TENM2: variants seen among roughly 807,000 people sequenced by gnomAD.
TENM2 encodes the protein teneurin transmembrane protein 2, also known as teneurin-2.
A neutral mutation model predicts 245.2 loss-of-function variants in TENM2; 52 were observed. That is an observed-to-expected ratio of 0.21 (90% CI 0.17 to 0.27). The LOEUF is 0.27. Ranked by LOEUF, TENM2 falls within the 10% of genes least tolerant of loss-of-function variation. The probability of loss-of-function intolerance (pLI) is 1.00; values close to 1 mark genes in which losing one functional copy is unlikely to be tolerated. For missense variants in TENM2, 3,046 were observed against 3,666.8 expected, an observed-to-expected ratio of 0.83 and a Z score of 4.37; for synonymous variants, 1,363 against 1,438.9, an observed-to-expected ratio of 0.95 and a Z score of 1.19.
rs1341482970 is a variant in TENM2, at chr5:168,253,423, TA to T, written c.7432+5053del. Among the ~76,000 whole-genome samples the T allele has an allele frequency of 5.2e-4, 56 of 107,988 alleles. 2 individuals carry two copies. In the South Asian group the frequency reaches 0.013, roughly 26 times the overall value. The allele number at this position is 107,988 out of a possible 152,430, so 70.8% of individuals were successfully genotyped here. On this transcript the variant is annotated intron_variant, in intron 27 of 28. Coordinates refer to ENST00000518659, the Ensembl canonical transcript of TENM2. ...AAAAAAAGCTAATAAATGCATTCAT[TA>T]TTTTATTTTTTTTTTTTTTGAGACA...
chr5:167,463,039 T>A (rs1017557526), intron 2 of TENM2, among the ~76,000 whole-genome samples: 3 of 152,156 alleles, frequency 2.0e-5, no homozygotes, highest in African/African-American at 7.2e-5. Flanking sequence ...CTTTTTCTCC[T>A]TTTTCTATAC....
At chr5:167,556,867 C>T (rs1419834985) in intron 2 of TENM2, among the ~76,000 whole-genome samples, 1 of 152,182 alleles carries the variant, frequency 6.6e-6, no homozygotes, top group African/African-American at 2.4e-5. Flanking sequence ...GTGTTGATCA[C>T]AGCATCTCAT....
In TENM2 at chr5:168,200,001, C is replaced by T. The variant is rs765276372; in HGVS notation, c.3300C>T (p.His1100=). The change falls in exon 17 of 29, where the codon CAC becomes CAT. Residue 1100 remains histidine (H), a synonymous_variant. Transcript: ENST00000518659. ...TGCCCCTGAACCTCATTAGGGTTCA[C>T]CTGATGGTGGCTGTCGAGGGGCATC... 11 of 1,613,896 alleles carry T rather than the reference C, an allele frequency of 6.8e-6. No individual in the cohort carries two copies. In the Admixed American group the frequency reaches 8.3e-5, roughly 12 times the overall value.
At chr5:167,844,862 A>AAG (rs397773666) in intron 2 of TENM2, among the ~76,000 whole-genome samples, 3,020 of 150,914 alleles carry the variant, frequency 0.02, 36 homozygotes, top group Middle Eastern at 0.041. Flanking sequence ...AAAAAAAAAA[A>AAG]TCCTTCGTAG....
intron 12 of TENM2, among the ~76,000 whole-genome samples, chr5:168,159,378 A>G (rs1024458304): frequency 3.9e-5 from 6 of 152,156 alleles, no homozygotes; most frequent in African/African-American, 1.4e-4. Context: ...CCTGAAATCC[A>G]GAAGACTTCC....
chr5:167,633,344 T>C (rs1778992906), intron 2 of TENM2, among the ~76,000 whole-genome samples: 1 of 152,062 alleles, frequency 6.6e-6, no homozygotes, highest in African/African-American at 2.4e-5. Flanking sequence ...TTCAAAGTTT[T>C]GAGAAGAATA....
At chr5:167,382,755 A>C (rs569357994) in intron 2 of TENM2, among the ~76,000 whole-genome samples, 4 of 152,292 alleles carry the variant, frequency 2.6e-5, no homozygotes, top group South Asian at 2.1e-4. Context: ...ACTTACAGTG[A>C]GAAAGTTAGG....
intron 2 of TENM2, among the ~76,000 whole-genome samples, chr5:167,456,869 C>T (rs1765957302): frequency 6.6e-6 from 1 of 152,140 alleles, no homozygotes; most frequent in Non-Finnish European, 1.5e-5. Context: ...ATGTGAATAT[C>T]CACATTCATA....
intron 2 of TENM2, among the ~76,000 whole-genome samples, chr5:167,623,454 T>C (rs1430034598): frequency 5.3e-5 from 8 of 152,194 alleles, no homozygotes; most frequent in African/African-American, 1.7e-4. Context: ...CTTTCTTTTT[T>C]AAGCTTACCA....
the TENM2 span, among the ~76,000 whole-genome samples, chr5:167,020,985 A>G: frequency 6.6e-6 from 1 of 152,104 alleles, no homozygotes; most frequent in Non-Finnish European, 1.5e-5. Flanking sequence ...CTCTACTAAA[A>G]TACAAAAAAT....
chr5:168,005,001 G>C (rs556969857), intron 5 of TENM2, among the ~76,000 whole-genome samples: 1 of 152,138 alleles, frequency 6.6e-6, no homozygotes, highest in Admixed American at 6.5e-5. Flanking sequence ...GTTGGGTAAA[G>C]GTGCTGCCTA....
chr5:167,473,582 C>T lies in TENM2; in HGVS notation c.502+98109C>T, dbSNP rs546119794. Among the ~76,000 whole-genome samples, 8 of 151,730 alleles carry T rather than the reference C, an allele frequency of 5.3e-5. No individual in the cohort carries two copies. The South Asian group carries it at 1.3e-3, about 24-fold the overall frequency. ...AAAGGAAAGAGTGGCTTATAGTTTT[C>T]GATCTGCTACTTGTTTCATAGAAAT... On this transcript the variant is annotated intron_variant, in intron 2 of 28. Coordinates refer to ENST00000518659, the Ensembl canonical transcript of TENM2.
chr5:168,193,796 C>T (rs990500093), intron 14 of TENM2, among the ~76,000 whole-genome samples: 25 of 152,080 alleles, frequency 1.6e-4, no homozygotes, highest in Admixed American at 8.5e-4. Context: ...AATCTTAGTC[C>T]GAGCTAAGAT....
At chr5:167,758,726 A>C (rs1762468174) in intron 2 of TENM2, among the ~76,000 whole-genome samples, 1 of 152,062 alleles carries the variant, frequency 6.6e-6, no homozygotes, top group African/African-American at 2.4e-5. Context: ...AAGTGAAAAA[A>C]TTCGCTGATT....
chr5:167,822,617 T>C (rs1767623383), intron 2 of TENM2, among the ~76,000 whole-genome samples: 1 of 152,236 alleles, frequency 6.6e-6, no homozygotes, highest in Non-Finnish European at 1.5e-5. Context: ...ATATGTTCTT[T>C]CTACAGAATT....
At chr5:167,701,874 A>G (rs1244491084) in intron 2 of TENM2, among the ~76,000 whole-genome samples, 2 of 152,246 alleles carry the variant, frequency 1.3e-5, no homozygotes, top group East Asian at 3.9e-4. Context: ...ATTTATGTTC[A>G]TGTTGTGATA....
chr5:168,056,135 C>A (rs148835818), intron 6 of TENM2, among the ~76,000 whole-genome samples: 45 of 152,322 alleles, frequency 3.0e-4, no homozygotes, highest in African/African-American at 1.1e-3. Flanking sequence ...TGGAACTCAG[C>A]CTGGCTTTGA....
chr5:168,172,757 G>C (rs758818571), intron 13 of TENM2, among the ~76,000 whole-genome samples: 2 of 152,192 alleles, frequency 1.3e-5, no homozygotes, highest in Non-Finnish European at 2.9e-5. Context: ...AAAGCACTTA[G>C]GCACTGAAAT....
intron 2 of TENM2, among the ~76,000 whole-genome samples, chr5:167,380,224 T>C (rs1761016620): frequency 6.6e-6 from 1 of 152,092 alleles, no homozygotes; most frequent in Non-Finnish European, 1.5e-5. Flanking sequence ...TTTTAAAAAG[T>C]TTATTCATGG....
Sources: allele counts gnomAD v4.1 joint callset (sites outside exome capture counted in the v4.1 genomes callset), GRCh38; gene constraint gnomAD v4.1.1; transcripts MANE v1.5; gene names NCBI Gene and HGNC (gene_info 2026-07-23, HGNC 2026-07-21).